Variants in PDE8B observed in about 807,000 individuals in gnomAD.
The protein encoded by PDE8B is high affinity cAMP-specific and IBMX-insensitive 3',5'-cyclic phosphodiesterase 8B.
Under a neutral mutation model 101.3 loss-of-function variants are expected in PDE8B, and 26 were observed. The observed-to-expected ratio is 0.26, with a 90% confidence interval of 0.19 to 0.36. The LOEUF is 0.36. Ranked by LOEUF, PDE8B falls within the 10% of genes least tolerant of loss-of-function variation. The pLI is 1.00. For synonymous variants in PDE8B, 424 were observed against 429.3 expected (o/e 0.99, Z 0.15); for missense variants, 810 against 1,163.1 (o/e 0.70, Z 4.42).
chr5:77,146,861 G>T, the PDE8B span: 1 of 354,678 alleles, frequency 2.8e-6, no homozygotes, highest in Non-Finnish European at 5.7e-6. Flanking sequence ...GCACCCAAGA[G>T]GCATTCTTTG....
the PDE8B span, among the ~76,000 whole-genome samples, chr5:77,183,142 C>A: frequency 7.4e-6 from 1 of 135,498 alleles, no homozygotes; most frequent in Non-Finnish European, 1.5e-5. Context: ...TATTTTGAGA[C>A]AGAGTCTTGC....
chr5:77,300,463 G>C (rs185696827), intron 1 of PDE8B, among the ~76,000 whole-genome samples: 7 of 152,284 alleles, frequency 4.6e-5, no homozygotes, highest in Admixed American at 3.9e-4. Context: ...ATGGGAGGGG[G>C]AATTACCATG....
intron 1 of PDE8B, chr5:77,246,704 A>G (rs1056038314): frequency 3.3e-5 from 5 of 152,170 alleles, no homozygotes; most frequent in Admixed American, 3.3e-4. Flanking sequence ...ACCCAAAAAT[A>G]TTTACTGTCT....
At chr5:77,426,177 C>T (rs756235973) in intron 21 of PDE8B, 7 of 587,734 alleles carry the variant, frequency 1.2e-5, no homozygotes, top group South Asian at 2.0e-5. Flanking sequence ...GTTTTTCTGT[C>T]GTTGGAGGAA....
chr5:77,137,445 A>G, the PDE8B span, among the ~76,000 whole-genome samples: 4 of 152,212 alleles, frequency 2.6e-5, no homozygotes, highest in African/African-American at 9.7e-5. Flanking sequence ...CACTCAGTCA[A>G]CTAGAGAAGA....
chr5:77,160,344 G>A, the PDE8B span, among the ~76,000 whole-genome samples: 739 of 152,162 alleles, frequency 4.9e-3, 4 homozygotes, highest in Non-Finnish European at 8.2e-3. Flanking sequence ...GCACGTACTC[G>A]AGTCCCACAG....
intron 5 of PDE8B, among the ~76,000 whole-genome samples, chr5:77,331,993 A>T (rs1266334016): frequency 6.6e-6 from 1 of 152,192 alleles, no homozygotes; most frequent in Non-Finnish European, 1.5e-5. Flanking sequence ...CCACTTGAAG[A>T]TTAAGAATTA....
At chr5:77,347,712 G>C (rs954639500) in intron 7 of PDE8B, among the ~76,000 whole-genome samples, 1 of 152,162 alleles carries the variant, frequency 6.6e-6, no homozygotes, top group Non-Finnish European at 1.5e-5. Flanking sequence ...GCAGCTCTTG[G>C]GAGTGGACTA....
At chr5:77,231,228 G>A (rs1331692714) in intron 1 of PDE8B, among the ~76,000 whole-genome samples, 1 of 152,180 alleles carries the variant, frequency 6.6e-6, no homozygotes, top group Non-Finnish European at 1.5e-5. Context: ...CTTGTATGAA[G>A]CCAGATACAG....
At position 77,421,905 on chromosome 5, in the gene PDE8B, T is replaced by C; in HGVS notation, c.2335T>C (p.Cys779Arg). The C allele has an allele frequency of 6.2e-7, 1 of 1,614,158 alleles. No individual in the cohort carries two copies. The highest frequency in any genetic ancestry group is 8.5e-7 in the Non-Finnish European group (1 of 1,180,000). The stretch of plus-strand genomic sequence containing the variant: ...CCTGATCAAACGCATGATGATTAAG[T>C]GTGCTGACGTGGCCAACCCATGCCG... ...QILIKRMMIK[C>R]ADVANPCRPL... The change falls in exon 20 of 22, where the codon TGT (cysteine) becomes CGT (arginine). Residue 779 changes from cysteine to arginine, a missense_variant. Transcript: ENST00000264917.
At chr5:77,315,843 T>G (rs1276420410) in intron 2 of PDE8B, among the ~76,000 whole-genome samples, 1 of 152,218 alleles carries the variant, frequency 6.6e-6, no homozygotes, top group East Asian at 1.9e-4. Context: ...TTTTATTTGT[T>G]GGTAATATTG....
At chr5:77,181,241 G>T in the PDE8B span, among the ~76,000 whole-genome samples, 4 of 152,164 alleles carry the variant, frequency 2.6e-5, no homozygotes, top group Non-Finnish European at 5.9e-5. Context: ...GAGCTGGAAC[G>T]TGTGTACAAA....
the PDE8B span, among the ~76,000 whole-genome samples, chr5:77,173,932 A>G: frequency 6.6e-6 from 1 of 152,058 alleles, no homozygotes; most frequent in Non-Finnish European, 1.5e-5. Context: ...GAATTTCTTT[A>G]CTATTAGCAC....
At chr5:77,391,245 G>A (rs983695372) in intron 10 of PDE8B, among the ~76,000 whole-genome samples, 3 of 152,222 alleles carry the variant, frequency 2.0e-5, no homozygotes, top group Admixed American at 1.3e-4. Context: ...GAAGAGGTAC[G>A]TGGATAATCA....
intron 10 of PDE8B, among the ~76,000 whole-genome samples, chr5:77,388,474 C>T (rs1333292123): frequency 6.6e-6 from 1 of 152,194 alleles, no homozygotes; most frequent in Non-Finnish European, 1.5e-5. Context: ...CAGCCAGATG[C>T]CAGCCAGAGC....
At chr5:77,349,670 AGT>A in intron 8 of PDE8B, 111 bp downstream of exon 8, 1 of 1,226,036 alleles carries the variant, frequency 8.2e-7, no homozygotes. Flanking sequence ...GTCATAATTA[AGT>A]GAAAGATCTA....
the PDE8B span, chr5:77,145,317 G>A: frequency 6.6e-6 from 1 of 152,096 alleles, no homozygotes; most frequent in South Asian, 2.1e-4. Flanking sequence ...GATAAATCGA[G>A]GGAAGAACTG....
At chr5:77,255,611 A>G (rs1438233889) in intron 1 of PDE8B, among the ~76,000 whole-genome samples, 1 of 152,126 alleles carries the variant, frequency 6.6e-6, no homozygotes, top group Admixed American at 6.5e-5. Context: ...ATTCTCAGCC[A>G]CCTGCCTCCG....
intron 3 of PDE8B, among the ~76,000 whole-genome samples, chr5:77,327,080 C>T (rs989366848): frequency 2.0e-5 from 3 of 152,198 alleles, no homozygotes; most frequent in African/African-American, 7.2e-5. Context: ...CAGTGTGTTT[C>T]CTGACCATTA....
Sources: allele counts gnomAD v4.1 joint callset (sites outside exome capture counted in the v4.1 genomes callset), GRCh38; gene constraint gnomAD v4.1.1; transcripts MANE v1.5; gene names NCBI Gene and HGNC (gene_info 2026-07-23, HGNC 2026-07-21).